DYRK4: variants seen among roughly 807,000 people sequenced by gnomAD.
DYRK4 encodes the protein dual specificity tyrosine-phosphorylation-regulated kinase 4.
Under a neutral mutation model 68.3 loss-of-function variants are expected in DYRK4, and 64 were observed. The observed-to-expected ratio is 0.94, with a 90% CI of 0.77 to 1.15. The LOEUF (loss-of-function observed/expected upper bound fraction) is 1.15. Among genes scored for constraint, DYRK4 ranks in the 50% most tolerant of loss-of-function variants. The pLI is 0.00. For synonymous variants in DYRK4, 274 were observed against 289.9 expected (o/e 0.95, Z 0.56); for missense variants, 740 against 764.7 (o/e 0.97, Z 0.38).
At chr12:4,580,741 G>T in intron 2 of DYRK4, 1 of 442,774 alleles carries the variant, frequency 2.3e-6, no homozygotes, top group Non-Finnish European at 4.5e-6. Context: ...GAAGTTGTGA[G>T]CTGATATCAC....
chr12:4,595,037 A>G (rs1271025581), intron 6 of DYRK4, among the ~76,000 whole-genome samples: 1 of 152,254 alleles, frequency 6.6e-6, no homozygotes, highest in Non-Finnish European at 1.5e-5. Context: ...ACGAACAATT[A>G]TGACACAAAG....
chr12:4,604,857 G>A (rs1179644768), intron 10 of DYRK4, 57 bp from the exon 11 acceptor site: 2 of 1,493,590 alleles, frequency 1.3e-6, no homozygotes, highest in African/African-American at 1.4e-5. Context: ...CTGGGGGAGA[G>A]CGTTCTGGAG....
At chr12:4,582,409 A>G (rs1944852494) in intron 2 of DYRK4, among the ~76,000 whole-genome samples, 1 of 152,356 alleles carries the variant, frequency 6.6e-6, no homozygotes. Context: ...GCGCCACTGC[A>G]CTCCAGCAAT....
chr12:4,583,774 G>T (rs534405349), intron 2 of DYRK4, among the ~76,000 whole-genome samples: 1 of 152,004 alleles, frequency 6.6e-6, no homozygotes, highest in South Asian at 2.1e-4. Flanking sequence ...ACTTCCCTGT[G>T]ACATCATACA....
chr12:4,589,324 A>G (rs1032709383), intron 3 of DYRK4, among the ~76,000 whole-genome samples: 1 of 152,206 alleles, frequency 6.6e-6, no homozygotes, highest in African/African-American at 2.4e-5. Flanking sequence ...AAAATGGGGT[A>G]TTTGTCCCCT....
intron 4 of DYRK4, chr12:4,590,939 C>T (rs2302249): frequency 0.034 from 17,811 of 523,766 alleles, 1,232 homozygotes; most frequent in African/African-American, 0.18. Flanking sequence ...CAGCAGCATA[C>T]GGTAAGGTAC....
At position 4,612,514 on chromosome 12, in the gene DYRK4, A is replaced by G. The variant is rs780450947; in HGVS notation, c.1491-29A>G. On this transcript the variant is annotated intron_variant, in intron 13 of 14. Transcript: ENST00000543431. ...ATATATTAAAAGGAAATAAAACAAT[A>G]ACCCATGTGGGGCTTTGTTGGGGTG... 5.1e-6 allele frequency: 8 copies of G among 1,582,684 alleles called. No individual in the cohort carries two copies. In the African/African-American group the frequency reaches 9.6e-5, roughly 19 times the overall value.
chr12:4,600,863 C>T (rs1306937373), intron 10 of DYRK4, among the ~76,000 whole-genome samples: 3 of 150,822 alleles, frequency 2.0e-5, no homozygotes, highest in Admixed American at 6.6e-5. Flanking sequence ...CTTCCCCCTT[C>T]CTAGAAGAAA....
chr12:4,586,464 A>G (rs1944897549), intron 2 of DYRK4, among the ~76,000 whole-genome samples: 1 of 152,222 alleles, frequency 6.6e-6, no homozygotes, highest in South Asian at 2.1e-4. Context: ...GCAGCTGTGA[A>G]TACGGGAGAG....
chr12:4,579,291 A>C (rs1012050439), intron 2 of DYRK4, among the ~76,000 whole-genome samples: 1 of 152,166 alleles, frequency 6.6e-6, no homozygotes, highest in Non-Finnish European at 1.5e-5. Flanking sequence ...AATAATAATC[A>C]TGATAATAAT....
At chr12:4,610,362 C>G in intron 13 of DYRK4, 78 bp downstream of exon 13, 1 of 1,374,248 alleles carries the variant, frequency 7.3e-7, no homozygotes, top group South Asian at 1.6e-5. Flanking sequence ...TGGTGAAAGA[C>G]TAAGGCTGGG....
chr12:4,567,746 C>CT (rs1263004022), intron 1 of DYRK4, among the ~76,000 whole-genome samples: 2 of 152,192 alleles, frequency 1.3e-5, no homozygotes, highest in Non-Finnish European at 2.9e-5. Context: ...CTGATTATCT[C>CT]TTCCTCCTTC....
intron 5 of DYRK4, among the ~76,000 whole-genome samples, chr12:4,592,137 A>G (rs2240764): frequency 0.077 from 11,764 of 152,202 alleles, 794 homozygotes; most frequent in East Asian, 0.28. Flanking sequence ...GGAACTATGC[A>G]TGAAGAGGTC....
intron 2 of DYRK4, among the ~76,000 whole-genome samples, chr12:4,571,300 T>C (rs1392172112): frequency 1.3e-5 from 2 of 152,238 alleles, no homozygotes; most frequent in Non-Finnish European, 2.9e-5. Flanking sequence ...ACAGCTACTT[T>C]TTCTCTGTTA....
At chr12:4,603,212 T>C in intron 10 of DYRK4, 1 of 1,115,784 alleles carries the variant, frequency 9.0e-7, no homozygotes, top group African/African-American at 1.5e-5. Flanking sequence ...CTGCAAAGAT[T>C]TGTCAGGATC....
At chr12:4,578,358 C>G (rs1247241423) in intron 2 of DYRK4, among the ~76,000 whole-genome samples, 1 of 152,110 alleles carries the variant, frequency 6.6e-6, no homozygotes, top group Admixed American at 6.5e-5. Flanking sequence ...CCAGTTCATT[C>G]ATACTCCCTC....
intron 13 of DYRK4, 138 bp from the exon 14 acceptor site, chr12:4,612,405 A>T: frequency 1.1e-6 from 1 of 917,308 alleles, no homozygotes; most frequent in Non-Finnish European, 1.6e-6. Flanking sequence ...GTTATATGCC[A>T]TAATCTCTGT....
intron 2 of DYRK4, among the ~76,000 whole-genome samples, chr12:4,588,525 G>T (rs1944920380): frequency 6.6e-6 from 1 of 152,198 alleles, no homozygotes; most frequent in Admixed American, 6.5e-5. Context: ...CACTGGGTGG[G>T]TTCCACTATG....
chr12:4,594,765 G>A (rs1231795636), intron 6 of DYRK4, among the ~76,000 whole-genome samples: 3 of 150,596 alleles, frequency 2.0e-5, no homozygotes, highest in East Asian at 3.9e-4. Flanking sequence ...TGTGTTCTCC[G>A]TAAGCTCAGA....
Sources: gnomAD v4.1 joint callset for allele counts (sites outside exome capture counted in the v4.1 genomes callset) on GRCh38, gnomAD v4.1.1 for gene constraint, MANE v1.5 for transcripts, NCBI Gene and HGNC (gene_info 2026-07-23, HGNC 2026-07-21) for gene names.